ZDHHC23: variants seen among roughly 807,000 people sequenced by gnomAD.
ZDHHC23 encodes zDHHC palmitoyltransferase 23.
Under a neutral mutation model 40.2 loss-of-function variants are expected in ZDHHC23, and 41 were observed. That is an observed-to-expected ratio of 1.02 (90% CI 0.79 to 1.32). The LOEUF (loss-of-function observed/expected upper bound fraction) is 1.32, where lower values mean the gene tolerates loss of function less well. ZDHHC23 is among the 40% of genes most tolerant of loss of function. The pLI is 0.00. For missense variants in ZDHHC23, 471 were observed against 541.5 expected (o/e 0.87, Z 1.29); for synonymous variants, 204 against 210.2 (o/e 0.97, Z 0.26).
the ZDHHC23 span, among the ~76,000 whole-genome samples, chr3:113,971,199 C>A: frequency 2.6e-5 from 4 of 152,120 alleles, no homozygotes; most frequent in African/African-American, 9.7e-5. Flanking sequence ...AAAAGTGTTC[C>A]TATTTCTCCA....
At chr3:113,963,574 CAAAAAAAAA>C (rs10526433), downstream of ZDHHC23, among the ~76,000 whole-genome samples, 1 of 50,768 alleles carries the variant, frequency 2.0e-5, no homozygotes, top group East Asian at 5.2e-4. Flanking sequence ...CCATCTCTAC[CAAAAAAAAA>C]AAAAAAAAAA....
chr3:113,959,302 CAA>C lies in ZDHHC23; in HGVS notation c.*674_*675del. 4 of 1,096,646 alleles carry C rather than the reference CAA, an allele frequency of 3.6e-6. No homozygotes were observed. The highest frequency in any genetic ancestry group is 4.5e-6 in the Non-Finnish European group (4 of 885,784). 67.9% of individuals were successfully genotyped at this position (1,096,646 alleles called of 1,614,324 possible). ...TCCTTCTTATTAGACATGAACTACT[CAA>C]ACAGAGAAGATGACCAGATGGATTG... is the stretch of plus-strand genomic sequence containing the variant. On this transcript the variant is annotated 3_prime_UTR_variant, in exon 5 of 5. Coordinates refer to ENST00000638807, the MANE Select transcript of ZDHHC23 (RefSeq NM_001320466.2).
chr3:113,977,286 A>C, the ZDHHC23 span, among the ~76,000 whole-genome samples: 2 of 152,040 alleles, frequency 1.3e-5, no homozygotes, highest in Non-Finnish European at 2.9e-5. Flanking sequence ...AATGTTGAGA[A>C]AAGGGGCATT....
At position 113,961,840 on chromosome 3, in the gene ZDHHC23, T is replaced by C. The variant is rs959210144; in HGVS notation, c.*3210T>C. 1 of 152,678 alleles carries C rather than the reference T, an allele frequency of 6.5e-6. No homozygotes were observed. Among genetic ancestry groups the C allele is most frequent in the African/African-American group, 2.4e-5 (1 of 41,474 alleles). The allele number at this position is 152,678 out of a possible 1,614,324, so 9.5% of individuals were successfully genotyped here. On this transcript the variant is annotated 3_prime_UTR_variant, in exon 5 of 5. Transcript: ENST00000638807. Reference sequence around the variant, plus strand: ...AAGGTTCTACATACCACTGACCATCTGCTTAATAGACATGTATTTCCTTTG... The same window carrying C: ...AAGGTTCTACATACCACTGACCATCCGCTTAATAGACATGTATTTCCTTTG...
rs777687131 is a variant in ZDHHC23 at position 113,954,149 on chromosome 3, C to G, written c.611C>G (p.Ser204Cys). ...AGCAATCCAGCAAGCGGTGACAGATCTCTAAGCAGCAGCCAGCTGGAGTGC... is the reference window on the plus strand; with the variant it reads ...AGCAATCCAGCAAGCGGTGACAGATGTCTAAGCAGCAGCCAGCTGGAGTGC... ...YLSNPASGDR[S>C]LSSSQLECLS... The change falls in exon 3 of 5, where the codon TCT (serine) becomes TGT (cysteine). Residue 204 changes from serine to cysteine, a missense_variant. Transcript: ENST00000638807. The G allele has an allele frequency of 1.9e-5, 31 of 1,614,104 alleles. No individual in the cohort carries two copies. The South Asian group carries it at 3.2e-4, about 17-fold the overall frequency.
At position 113,958,585 on chromosome 3, in the gene ZDHHC23, C is replaced by T. The variant is rs774803712; in HGVS notation, c.1263C>T (p.Thr421=). The change falls in exon 5 of 5, where the codon ACC becomes ACT. Residue 421 remains threonine (T), a synonymous_variant. Coordinates refer to ENST00000638807, the MANE Select transcript of ZDHHC23 (RefSeq NM_001320466.2). ...TGCGGAACTGGCACCAGTTCTCCAC[C>T]CTGGGCACACGTGCATTCCACCACC... ...GFLRNWHQFS[T]LGTRAFHHPA... is the part of the protein sequence containing the mutation. 7 of 1,606,462 alleles carry T rather than the reference C, an allele frequency of 4.4e-6. No individual in the cohort carries two copies. The highest frequency in any genetic ancestry group is 5.9e-6 in the Non-Finnish European group (7 of 1,179,788).
In ZDHHC23 at chr3:113,953,896, C is replaced by T. The variant is rs777593557; in HGVS notation, c.358C>T (p.Leu120Phe). The T allele has an allele frequency of 6.2e-7, 1 of 1,614,120 alleles. No individual in the cohort carries two copies. Among genetic ancestry groups the T allele is most frequent in the East Asian group, 2.2e-5 (1 of 44,882 alleles). ...CCTGGGGGTGGTGGTTTTGACCTCC[C>T]TTCCTGTGCTGGCACTGTGGTACTA... ...FLLGVVVLTS[L>F]PVLALWYYYL... Residue 120 changes from leucine (L) to phenylalanine (F), a missense_variant, in exon 3 of 5, where the codon CTT becomes TTT. Transcript: ENST00000638807.
Position 113,948,701 on chromosome 3 carries a change from CAGAG to C in ZDHHC23, c.-93_-90del, listed in dbSNP as rs138085158. 3 of 1,365,484 alleles carry C rather than the reference CAGAG, an allele frequency of 2.2e-6. No homozygotes were observed. The highest frequency in any genetic ancestry group is 1.4e-5 in the African/African-American group (1 of 69,026). 84.6% of individuals were successfully genotyped at this position (1,365,484 alleles called of 1,614,324 possible). On this transcript the variant is annotated 5_prime_UTR_variant, in exon 2 of 5. Transcript: ENST00000638807. The stretch of plus-strand genomic sequence containing the variant: ...GATTGCTCAGGCGTTGGAGGTTAAG[CAGAG>C]AGAGAGAGGCGTGGACCTATTTACG...
At chr3:113,967,315 A>G (rs1940297827), downstream of ZDHHC23, among the ~76,000 whole-genome samples, 1 of 151,774 alleles carries the variant, frequency 6.6e-6, no homozygotes, top group South Asian at 2.1e-4. Context: ...CTGCTGTTCT[A>G]CCCTAACTGA....
At chr3:113,968,505 G>A (rs1940456159), downstream of ZDHHC23, among the ~76,000 whole-genome samples, 1 of 151,588 alleles carries the variant, frequency 6.6e-6, no homozygotes, top group South Asian at 2.1e-4. Context: ...CTGGACTGTA[G>A]CAGTGTGATG....
chr3:113,956,216 T>C (rs1939215427), intron 3 of ZDHHC23, 123 bp from the exon 4 acceptor site: 2 of 1,100,590 alleles, frequency 1.8e-6, no homozygotes, highest in Admixed American at 2.3e-5. Flanking sequence ...CATTGCACTT[T>C]AGCCTGAACT....
intron 4 of ZDHHC23, chr3:113,957,778 G>A (rs763613742): frequency 7.1e-5 from 37 of 518,688 alleles, no homozygotes; most frequent in Non-Finnish European, 1.2e-5. Flanking sequence ...CCTGAGAGGA[G>A]CTTCCCTACC....
chr3:113,964,967 A>G, downstream of ZDHHC23: 1 of 422,794 alleles, frequency 2.4e-6, no homozygotes, highest in East Asian at 3.6e-5. Flanking sequence ...GATAAATGCT[A>G]TAGTGAATGA....
chr3:113,979,402 A>T, the ZDHHC23 span, among the ~76,000 whole-genome samples: 3,799 of 152,302 alleles, frequency 0.025, 141 homozygotes, highest in African/African-American at 0.087. Flanking sequence ...ACCACTGTCT[A>T]ATTGAGGAAA....
chr3:113,965,572 A>G (rs774054330), downstream of ZDHHC23, among the ~76,000 whole-genome samples: 5 of 151,964 alleles, frequency 3.3e-5, no homozygotes, highest in Non-Finnish European at 7.4e-5. Context: ...TTGATAGGTT[A>G]TTTTTATTTT....
At chr3:113,951,890 C>G (rs1252433203) in intron 2 of ZDHHC23, among the ~76,000 whole-genome samples, 1 of 152,204 alleles carries the variant, frequency 6.6e-6, no homozygotes, top group Non-Finnish European at 1.5e-5. Flanking sequence ...GTAATCCCAG[C>G]ACTTTGGGAA....
intron 2 of ZDHHC23, among the ~76,000 whole-genome samples, chr3:113,952,700 A>C (rs1217619661): frequency 1.3e-5 from 2 of 152,234 alleles, no homozygotes; most frequent in Non-Finnish European, 2.9e-5. Context: ...TAAACAACAG[A>C]TATTTATTGC....
chr3:113,949,021 G>A, intron 2 of ZDHHC23, 58 bp downstream of exon 2: 1 of 1,597,090 alleles, frequency 6.3e-7, no homozygotes, highest in Non-Finnish European at 8.6e-7. Flanking sequence ...ACTGCCATGT[G>A]TACTTTCAAC....
chr3:113,956,788 A>C (rs1430234799), intron 4 of ZDHHC23, among the ~76,000 whole-genome samples: 1 of 102,228 alleles, frequency 9.8e-6, no homozygotes, highest in Non-Finnish European at 2.1e-5. Context: ...GACCACTCAT[A>C]GGCTCAAAAG....
Sources: gnomAD v4.1 joint callset for allele counts (sites outside exome capture counted in the v4.1 genomes callset) on GRCh38, gnomAD v4.1.1 for gene constraint, MANE v1.5 for transcripts, NCBI Gene and HGNC (gene_info 2026-07-23, HGNC 2026-07-21) for gene names.